The following ADAMTSL1 variants were observed in gnomAD, a reference collection of about 807,000 sequenced individuals.
The protein encoded by ADAMTSL1 is ADAMTS-like protein 1.
In ADAMTSL1, 126 loss-of-function variants were observed where a neutral mutation model predicts 201.8. The ratio of observed to expected loss-of-function variants is 0.62; its 90% CI spans 0.54 to 0.72. The LOEUF (loss-of-function observed/expected upper bound fraction) is 0.72, where lower values mean the gene tolerates loss of function less well. Ranked by LOEUF, ADAMTSL1 falls within the 30% of genes least tolerant of loss-of-function variation. The pLI, the probability that ADAMTSL1 is intolerant of heterozygous loss-of-function variation, is 0.00. For synonymous variants in ADAMTSL1, 1,121 were observed against 903.4 expected (o/e 1.24, Z -4.32); for missense variants, 2,679 against 2,277.8 (o/e 1.18, Z -3.59).
intron 2 of ADAMTSL1, among the ~76,000 whole-genome samples, chr9:18,187,405 T>C (rs7031744): frequency 0.34 from 52,063 of 152,070 alleles, 8,954 homozygotes; most frequent in East Asian, 0.45. Flanking sequence ...TAGGTTCACA[T>C]TGGGACTATT....
At chr9:18,313,300 T>A (rs868465532) in intron 2 of ADAMTSL1, among the ~76,000 whole-genome samples, 1 of 152,076 alleles carries the variant, frequency 6.6e-6, no homozygotes, top group Non-Finnish European at 1.5e-5. Flanking sequence ...AGGGGAAGAG[T>A]CCTTAGGTAC....
chr9:18,889,580 C>A lies in ADAMTSL1; in HGVS notation c.4475C>A (p.Ser1492Tyr). 1 of 1,613,802 alleles carries A rather than the reference C, an allele frequency of 6.2e-7. No individual in the cohort carries two copies. Among genetic ancestry groups the A allele is most frequent in the Non-Finnish European group, 8.5e-7 (1 of 1,179,806 alleles). The part of the protein sequence containing the change: ...ASLVIQDYWW[S>Y]VDRLATCSAS... ...CCTCCCATGACAGATTACTGGTGGT[C>A]TGTGGACAGACTGGCAACCTGCTCA... Residue 1492 changes from serine (S) to tyrosine (Y), a missense_variant, in exon 25 of 29, where the codon TCT becomes TAT. Ser to Tyr is a moderately radical substitution (Grantham distance 144, BLOSUM62 -2). Coordinates refer to ENST00000380548, the MANE Select transcript of ADAMTSL1 (RefSeq NM_001040272.6).
intron 26 of ADAMTSL1, among the ~76,000 whole-genome samples, chr9:18,894,888 G>GAAAA (rs1050179141): frequency 6.6e-6 from 1 of 152,012 alleles, no homozygotes; most frequent in Admixed American, 6.6e-5. Flanking sequence ...TAAACTGGGG[G>GAAAA]AAAAAGAGGA....
intron 1 of ADAMTSL1, among the ~76,000 whole-genome samples, chr9:17,954,808 C>G (rs556201698): frequency 6.6e-6 from 1 of 152,262 alleles, no homozygotes; most frequent in South Asian, 2.1e-4. Flanking sequence ...AGAGTTTTCA[C>G]ATAAAATGGA....
chr9:18,301,702 A>G (rs557060392), intron 2 of ADAMTSL1, among the ~76,000 whole-genome samples: 1 of 152,168 alleles, frequency 6.6e-6, no homozygotes, highest in South Asian at 2.1e-4. Context: ...ATAAGGAGGG[A>G]CTGCTGTACA....
chr9:17,993,828 T>A, intron 1 of ADAMTSL1, among the ~76,000 whole-genome samples: 1 of 152,198 alleles, frequency 6.6e-6, no homozygotes, highest in East Asian at 1.9e-4. Context: ...ATTAAAACTA[T>A]ACATCCATCT....
At chr9:18,012,680 G>A (rs190305088) in intron 1 of ADAMTSL1, among the ~76,000 whole-genome samples, 14 of 152,162 alleles carry the variant, frequency 9.2e-5, no homozygotes, top group Admixed American at 8.5e-4. Flanking sequence ...TATTAGGAAG[G>A]AGGATGTGAG....
At chr9:18,467,332 T>G (rs1047988610) in intron 2 of ADAMTSL1, among the ~76,000 whole-genome samples, 2 of 152,182 alleles carry the variant, frequency 1.3e-5, no homozygotes. Flanking sequence ...GAAAAACGTT[T>G]GCCACCACAG....
At chr9:18,365,170 A>G (rs1836713773) in intron 2 of ADAMTSL1, among the ~76,000 whole-genome samples, 2 of 152,266 alleles carry the variant, frequency 1.3e-5, no homozygotes, top group Non-Finnish European at 1.5e-5. Context: ...ATTTCCACCA[A>G]TAGTAGACTA....
chr9:18,868,692 C>G (rs1827694852), intron 23 of ADAMTSL1, among the ~76,000 whole-genome samples: 1 of 152,190 alleles, frequency 6.6e-6, no homozygotes, highest in South Asian at 2.1e-4. Flanking sequence ...TAACCTGATG[C>G]ACGTACATCT....
intron 1 of ADAMTSL1, among the ~76,000 whole-genome samples, chr9:18,015,440 C>G (rs1213322069): frequency 1.3e-5 from 2 of 152,050 alleles, no homozygotes; most frequent in Non-Finnish European, 2.9e-5. Context: ...TTGGGGTCAC[C>G]CAAAGCTTGG....
At chr9:18,100,190 G>A (rs927695010) in intron 1 of ADAMTSL1, among the ~76,000 whole-genome samples, 6 of 152,112 alleles carry the variant, frequency 3.9e-5, no homozygotes, top group Non-Finnish European at 8.8e-5. Context: ...AGGAACATCA[G>A]CTGCTTGTTC....
chr9:18,048,204 AAC>A (rs1476842752), intron 1 of ADAMTSL1, among the ~76,000 whole-genome samples: 2 of 152,132 alleles, frequency 1.3e-5, no homozygotes, highest in Non-Finnish European at 2.9e-5. Context: ...ATTCTTGAAA[AAC>A]AGTTTATTTT....
At position 18,806,787 on chromosome 9, in the gene ADAMTSL1, C is replaced by T. The variant is rs72690583; in HGVS notation, c.3806-10322C>T. Among the ~76,000 whole-genome samples the T allele has an allele frequency of 9.2e-3, 1,397 of 152,284 alleles. 14 individuals carry two copies. Among genetic ancestry groups the T allele is most frequent in the South Asian group, 0.024 (115 of 4,824 alleles). On this transcript the variant is annotated intron_variant, in intron 20 of 28. Coordinates refer to ENST00000380548, the MANE Select transcript of ADAMTSL1 (RefSeq NM_001040272.6). The stretch of plus-strand genomic sequence containing the variant: ...TGTCCCTGCCTGTCTCTCCAGAGGT[C>T]CTCATCCTTCAGGATCAAAATGGTG...
At chr9:17,987,731 G>C (rs1225010968) in intron 1 of ADAMTSL1, among the ~76,000 whole-genome samples, 2 of 151,834 alleles carry the variant, frequency 1.3e-5, no homozygotes, top group African/African-American at 4.8e-5. Flanking sequence ...TTTTGCTTTG[G>C]AGCCATTGGA....
intron 6 of ADAMTSL1, among the ~76,000 whole-genome samples, chr9:18,637,694 A>G (rs1420456364): frequency 6.6e-6 from 1 of 152,154 alleles, no homozygotes; most frequent in East Asian, 1.9e-4. Flanking sequence ...AATATAATTC[A>G]GCAAAATGAA....
In ADAMTSL1 at chr9:18,730,251, A is replaced by T. The variant is rs941606117; in HGVS notation, c.2006+8586A>T. ...TTGACCTTATAGTTAGAAATATGCTATATTACTATGTTCCTTAAACTTGGA... is the reference window on the plus strand; with the variant it reads ...TTGACCTTATAGTTAGAAATATGCTTTATTACTATGTTCCTTAAACTTGGA... On this transcript the variant is annotated intron_variant, in intron 15 of 28. Coordinates refer to ENST00000380548, the MANE Select transcript of ADAMTSL1 (RefSeq NM_001040272.6). Among the ~76,000 whole-genome samples, 8 of 152,244 alleles carry T rather than the reference A, an allele frequency of 5.3e-5. 1 individual carries two copies. Among genetic ancestry groups the T allele is most frequent in the African/African-American group, 1.9e-4 (8 of 41,470 alleles).
At chr9:18,152,559 C>T (rs1384550714) in intron 1 of ADAMTSL1, among the ~76,000 whole-genome samples, 1 of 151,710 alleles carries the variant, frequency 6.6e-6, no homozygotes, top group South Asian at 2.1e-4. Context: ...GGTTGGAGGC[C>T]CAGGAGGACC....
chr9:18,642,673 A>G (rs1322552643), intron 7 of ADAMTSL1, among the ~76,000 whole-genome samples: 4 of 152,038 alleles, frequency 2.6e-5, no homozygotes, highest in Non-Finnish European at 5.9e-5. Flanking sequence ...TATTATTAAT[A>G]TCACGCAGTA....
Sources: allele counts gnomAD v4.1 joint callset (sites outside exome capture counted in the v4.1 genomes callset), GRCh38; gene constraint gnomAD v4.1.1; transcripts MANE v1.5; gene names NCBI Gene and HGNC (gene_info 2026-07-23, HGNC 2026-07-21).